ACOT11: variants seen among roughly 807,000 people sequenced by gnomAD.
ACOT11 encodes acyl-coenzyme A thioesterase 11.
ACOT11 carries 69 observed loss-of-function variants against 77.5 expected under a neutral mutation model. The observed-to-expected ratio is 0.89, with a 90% CI of 0.73 to 1.09. The LOEUF (loss-of-function observed/expected upper bound fraction) is 1.09. ACOT11 is among the 50% of genes least tolerant of loss of function. The pLI, the probability that ACOT11 is intolerant of heterozygous loss-of-function variation, is 0.00. For synonymous variants in ACOT11, 279 were observed against 313.0 expected (o/e 0.89, Z 1.15); for missense variants, 766 against 813.7 (o/e 0.94, Z 0.71).
chr1:54,604,350 A>G lies in ACOT11; in HGVS notation c.1157A>G (p.Tyr386Cys), dbSNP rs767487500. 4 of 1,613,960 alleles carry G rather than the reference A, an allele frequency of 2.5e-6. No individual in the cohort carries two copies. Among genetic ancestry groups the G allele is most frequent in the Admixed American group, 1.7e-5 (1 of 60,006 alleles). Reference sequence around the variant, plus strand: ...AGCACCTGTGTACTCTTTCAGGTGTACCTGAGCTACAATAACGTCTCCTCC... The same window carrying G: ...AGCACCTGTGTACTCTTTCAGGTGTGCCTGAGCTACAATAACGTCTCCTCC... Reference protein sequence around the residue: ...SVPWDPSNQVYLSYNNVSSLK... With the variant: ...SVPWDPSNQVCLSYNNVSSLK... The change falls in exon 12 of 16, where the codon TAC becomes TGC. Residue 386 changes from tyrosine to cysteine, a missense_variant. Physicochemically the swap from Tyr to Cys is radical, Grantham distance 194 (BLOSUM62 -2). Coordinates refer to ENST00000343744, the MANE Select transcript of ACOT11 (RefSeq NM_147161.4).
At chr1:54,549,876 GC>G (rs1653002581) in intron 1 of ACOT11, among the ~76,000 whole-genome samples, 1 of 152,216 alleles carries the variant, frequency 6.6e-6, no homozygotes, top group Non-Finnish European at 1.5e-5. Flanking sequence ...CTTCTCTTGT[GC>G]CCTGTTGTAT....
chr1:54,574,221 C>T (rs933680881), intron 1 of ACOT11, among the ~76,000 whole-genome samples: 1 of 152,160 alleles, frequency 6.6e-6, no homozygotes, highest in Non-Finnish European at 1.5e-5. Flanking sequence ...GCAGGGACAG[C>T]GCCCAAACAA....
intron 1 of ACOT11, chr1:54,582,615 A>G: frequency 1.3e-6 from 1 of 741,274 alleles, no homozygotes; most frequent in Non-Finnish European, 1.6e-6. Context: ...CAGAGAGAGG[A>G]CCAGAGCTTA....
intron 1 of ACOT11, among the ~76,000 whole-genome samples, chr1:54,572,212 G>C (rs566098561): frequency 2.6e-5 from 4 of 151,898 alleles, no homozygotes; most frequent in Non-Finnish European, 5.9e-5. Flanking sequence ...CTCTCTCTCT[G>C]ACTCTGGTTT....
chr1:54,614,916 C>T, downstream of ACOT11: 2 of 1,567,158 alleles, frequency 1.3e-6, no homozygotes, highest in Non-Finnish European at 1.7e-6. Context: ...GAATACATGA[C>T]TCCCTGGGCA....
In ACOT11 at chr1:54,620,527, G is replaced by A. The variant is rs546065056; in HGVS notation, c.1630-10207G>A. 2.0e-4 allele frequency among the ~76,000 whole-genome samples: 31 copies of A among 151,812 alleles called. No homozygotes were observed. In the South Asian group the frequency reaches 5.0e-3, roughly 25 times the overall value. On this transcript the variant is annotated intron_variant, in intron 15 of 16. Coordinates refer to the ACOT11 transcript ENST00000371316. Reference sequence around the variant, plus strand: ...TCGAGACCAGCCTGGCCAACATGGTGAAACCATGTCTCTACTACACATACA... The same window carrying A: ...TCGAGACCAGCCTGGCCAACATGGTAAAACCATGTCTCTACTACACATACA...
intron 13 of ACOT11, among the ~76,000 whole-genome samples, chr1:54,606,818 T>C (rs991014069): frequency 2.6e-5 from 4 of 152,246 alleles, no homozygotes; most frequent in African/African-American, 4.8e-5. Context: ...CTGTGTACAC[T>C]GATGTCTGTC....
chr1:54,555,357 T>C (rs778473319), intron 1 of ACOT11, among the ~76,000 whole-genome samples: 26 of 152,368 alleles, frequency 1.7e-4, no homozygotes, highest in Non-Finnish European at 3.4e-4. Flanking sequence ...TGAGCATTTT[T>C]TTCATATACC....
intron 15 of ACOT11, 103 bp downstream of exon 15, chr1:54,608,171 C>A: frequency 1.7e-6 from 2 of 1,211,980 alleles, no homozygotes; most frequent in South Asian, 1.6e-5. Flanking sequence ...CAGAGCTGGC[C>A]CCCCAGCAGG....
chr1:54,551,146 A>G (rs1451070386), intron 1 of ACOT11, among the ~76,000 whole-genome samples: 99 of 151,690 alleles, frequency 6.5e-4, no homozygotes, highest in African/African-American at 1.4e-3. Context: ...AAAAAAAAAA[A>G]AAAGAAAAAA....
rs144391745 is a variant in ACOT11, at chr1:54,609,011, G to A, written c.1684G>A (p.Val562Met). The change falls in exon 16 of 16, where the codon GTG (valine) becomes ATG (methionine). Residue 562 changes from valine to methionine, a missense_variant. Transcript: ENST00000343744. ...TGTTCTCAACTATGTGACCACCAAC[G>A]TGGCCGGCCTCTCCTCTGAGTTCTA... The part of the protein sequence containing the change: ...PGVLNYVTTN[V>M]AGLSSEFYTT... 40 of 1,610,684 alleles carry A rather than the reference G, an allele frequency of 2.5e-5. No individual in the cohort carries two copies. The highest frequency in any genetic ancestry group is 6.7e-5 in the East Asian group (3 of 44,696).
intron 11 of ACOT11, 29 bp downstream of exon 11, chr1:54,603,966 C>G: frequency 6.2e-7 from 1 of 1,608,492 alleles, no homozygotes; most frequent in Non-Finnish European, 8.5e-7. Context: ...AGAGGACAGT[C>G]TTCAGACCCA....
intron 1 of ACOT11, among the ~76,000 whole-genome samples, chr1:54,581,401 A>G (rs548863098): frequency 1.3e-5 from 2 of 152,162 alleles, no homozygotes; most frequent in Admixed American, 6.5e-5. Context: ...CAGGGCTTAT[A>G]TTGGCCCCCG....
intron 1 of ACOT11, among the ~76,000 whole-genome samples, chr1:54,583,561 A>C (rs1036303891): frequency 3.3e-5 from 5 of 152,092 alleles, no homozygotes; most frequent in Admixed American, 6.5e-5. Flanking sequence ...CAAGCAGTGT[A>C]GTGTCGGGGG....
In ACOT11 at chr1:54,578,610, G is replaced by A. The variant is rs540975844; in HGVS notation, c.34-6045G>A. Among the ~76,000 whole-genome samples the A allele has an allele frequency of 3.9e-5, 6 of 152,106 alleles. No individual in the cohort carries two copies. The South Asian group carries it at 1.3e-3, about 32-fold the overall frequency. Reference sequence around the variant, plus strand: ...CTCCACATTCTGGGATGCTTACCAGGGCTTCAGATTTAGGAGGAGAAAGTT... The same window carrying A: ...CTCCACATTCTGGGATGCTTACCAGAGCTTCAGATTTAGGAGGAGAAAGTT... On this transcript the variant is annotated intron_variant, in intron 1 of 15. Transcript: ENST00000343744.
chr1:54,563,067 G>A (rs1362703632), intron 1 of ACOT11, among the ~76,000 whole-genome samples: 2 of 151,512 alleles, frequency 1.3e-5, no homozygotes, highest in Non-Finnish European at 3.0e-5. Context: ...GCTGCTCCTT[G>A]CCCTCGGGCC....
At chr1:54,573,124 T>A (rs1026667946) in intron 1 of ACOT11, 9 of 985,206 alleles carry the variant, frequency 9.1e-6, no homozygotes, top group African/African-American at 1.7e-5. Flanking sequence ...TGGCTCCAGG[T>A]ATGGGTCCTG....
intron 1 of ACOT11, among the ~76,000 whole-genome samples, chr1:54,582,892 C>T (rs1162009143): frequency 1.3e-5 from 2 of 152,092 alleles, no homozygotes; most frequent in Non-Finnish European, 2.9e-5. Flanking sequence ...CCTCAGCTCT[C>T]CCTAGGGCTT....
chr1:54,610,698 C>T, downstream of ACOT11: 1 of 1,416,694 alleles, frequency 7.1e-7, no homozygotes, highest in Non-Finnish European at 9.2e-7. Flanking sequence ...CATTTCCTTG[C>T]CTTGTAGACT....
Sources: allele counts gnomAD v4.1 joint callset (sites outside exome capture counted in the v4.1 genomes callset), GRCh38; gene constraint gnomAD v4.1.1; transcripts MANE v1.5; gene names NCBI Gene and HGNC (gene_info 2026-07-23, HGNC 2026-07-21).